The following ARID2 variants were observed in gnomAD, a reference collection of about 807,000 sequenced individuals.
The protein encoded by ARID2 is AT-rich interactive domain-containing protein 2.
Under a neutral mutation model 184.6 loss-of-function variants are expected in ARID2, and 32 were observed. That is an observed-to-expected ratio of 0.17 (90% CI 0.13 to 0.23). ARID2 has a LOEUF of 0.23. Ranked by LOEUF, ARID2 falls within the 10% of genes least tolerant of loss-of-function variation. The pLI, the probability that ARID2 is intolerant of heterozygous loss-of-function variation, is 1.00. For missense variants in ARID2, 1,696 were observed against 2,197.6 expected (o/e 0.77, Z 4.56); for synonymous variants, 836 against 772.6 (o/e 1.08, Z -1.36).
At chr12:45,746,690 A>G (rs1463143355) in intron 3 of ARID2, among the ~76,000 whole-genome samples, 1 of 152,144 alleles carries the variant, frequency 6.6e-6, no homozygotes, top group Non-Finnish European at 1.5e-5. Context: ...GATACTGTTA[A>G]TATCCTGGTA....
rs10880863 is a variant in ARID2, at chr12:45,863,847, T to G, written c.4922+2898T>G. On this transcript the variant is annotated intron_variant, in intron 16 of 20. Coordinates refer to ENST00000334344, the MANE Select transcript of ARID2 (RefSeq NM_152641.4). ...TTTTTTCTTTTTCTTTTTCTTTCCC[T>G]TTTTTTTTTGTTTTTTTTTTGAGAC... Among the ~76,000 whole-genome samples, 4 of 59,368 alleles carry G rather than the reference T, an allele frequency of 6.7e-5. No homozygotes were observed. In the Admixed American group the frequency reaches 1.2e-3, roughly 18 times the overall value. The allele number at this position is 59,368 out of a possible 152,430, so 38.9% of individuals were successfully genotyped here. A position where few individuals can be genotyped will look rare whatever the true frequency, so the allele number is the denominator to read the frequency against.
At chr12:45,876,517 C>T (rs1421366977) in intron 16 of ARID2, among the ~76,000 whole-genome samples, 1 of 150,158 alleles carries the variant, frequency 6.7e-6, no homozygotes, top group African/African-American at 2.5e-5. Flanking sequence ...TGCCGTTGCA[C>T]TCCAGCCTGG....
intron 16 of ARID2, among the ~76,000 whole-genome samples, chr12:45,875,191 A>G (rs963712397): frequency 3.9e-5 from 6 of 152,212 alleles, no homozygotes; most frequent in African/African-American, 1.4e-4. Context: ...TGTTAGCAGC[A>G]TGAAAACAAC....
intron 3 of ARID2, among the ~76,000 whole-genome samples, chr12:45,765,618 T>C (rs780188465): frequency 2.0e-5 from 3 of 152,116 alleles, no homozygotes; most frequent in Non-Finnish European, 2.9e-5. Flanking sequence ...TAAACTGTGA[T>C]TTGTCTTTTT....
rs199620718 is a variant in ARID2, at chr12:45,850,308, C to T, written c.2185C>T (p.Pro729Ser). ...IQNSIPQTGV[P>S]VSIAVGGGPP... ...GAATTCCATACCCCAGACAGGAGTT[C>T]CTGTTAGTATTGCTGTTGGAGGAGG... is the stretch of plus-strand genomic sequence containing the variant. The change falls in exon 15 of 21, where the codon CCT (proline) becomes TCT (serine). Residue 729 changes from proline to serine, a missense_variant. By Grantham distance (74) the Pro-to-Ser change is moderately conservative. Transcript: ENST00000334344. 1 of 1,614,070 alleles carries T rather than the reference C, an allele frequency of 6.2e-7. No individual in the cohort carries two copies. The highest frequency in any genetic ancestry group is 8.5e-7 in the Non-Finnish European group (1 of 1,179,984).
chr12:45,860,110 C>CT (rs1332570912), intron 15 of ARID2, among the ~76,000 whole-genome samples: 2 of 152,144 alleles, frequency 1.3e-5, no homozygotes, highest in African/African-American at 4.8e-5. Flanking sequence ...AATGCCAGCA[C>CT]TTTGGGAGGC....
chr12:45,878,720 G>A (rs1026039135), intron 16 of ARID2, among the ~76,000 whole-genome samples: 3 of 152,028 alleles, frequency 2.0e-5, no homozygotes, highest in African/African-American at 7.3e-5. Flanking sequence ...TGATATCTGA[G>A]TCTGGTTCTA....
At position 45,860,817 on chromosome 12, in the gene ARID2, C is replaced by G; in HGVS notation, c.4790C>G (p.Pro1597Arg). Residue 1597 changes from proline to arginine, a missense_variant, in exon 16 of 21, where the codon CCT (proline) becomes CGT (arginine). Transcript: ENST00000334344. ...NVVPQNTPMP[P>R]SPAVQVQGQP... The stretch of plus-strand genomic sequence containing the variant: ...TTTTCACAGAACACTCCTATGCCAC[C>G]TTCACCAGCTGTACAAGTGCAGGGC... 1 of 1,592,078 alleles carries G rather than the reference C, an allele frequency of 6.3e-7. No homozygotes were observed. Among genetic ancestry groups the G allele is most frequent in the Non-Finnish European group, 8.6e-7 (1 of 1,169,438 alleles).
intron 3 of ARID2, among the ~76,000 whole-genome samples, chr12:45,785,547 A>G (rs1018369995): frequency 3.3e-4 from 50 of 152,310 alleles, no homozygotes; most frequent in African/African-American, 1.1e-3. Flanking sequence ...GTTAGTGGAA[A>G]AAAAAACCTT....
chr12:45,857,756 C>CCT (rs150224221), intron 15 of ARID2, among the ~76,000 whole-genome samples: 1 of 150,276 alleles, frequency 6.7e-6, no homozygotes, highest in African/African-American at 2.4e-5. Flanking sequence ...TCTCTCTCTC[C>CCT]CTCTCTCTCT....
intron 3 of ARID2, among the ~76,000 whole-genome samples, chr12:45,748,055 C>T (rs910219544): frequency 2.0e-5 from 3 of 152,138 alleles, no homozygotes; most frequent in African/African-American, 7.2e-5. Flanking sequence ...TGTTCAGTAG[C>T]ATTATGTCTC....
At chr12:45,879,310 T>G (rs1325134041) in intron 16 of ARID2, among the ~76,000 whole-genome samples, 1 of 152,172 alleles carries the variant, frequency 6.6e-6, no homozygotes, top group African/African-American at 2.4e-5. Context: ...GAGACAGACC[T>G]TTGTAAGGTG....
intron 3 of ARID2, among the ~76,000 whole-genome samples, chr12:45,758,773 A>T (rs1045687450): frequency 6.6e-6 from 1 of 152,118 alleles, no homozygotes; most frequent in Non-Finnish European, 1.5e-5. Context: ...AGGGCAGAGT[A>T]AAAGAGAGAA....
At chr12:45,887,549 C>T (rs894078185) in intron 16 of ARID2, among the ~76,000 whole-genome samples, 15 of 152,058 alleles carry the variant, frequency 9.9e-5, no homozygotes, top group Admixed American at 9.2e-4. Flanking sequence ...AGGAAAAAAC[C>T]GGGTTCTTTT....
chr12:45,905,175 T>C lies in ARID2; in HGVS notation c.*97T>C. 7.2e-6 allele frequency: 9 copies of C among 1,247,654 alleles called. No individual in the cohort carries two copies. Among genetic ancestry groups the C allele is most frequent in the Non-Finnish European group, 9.7e-6 (9 of 924,652 alleles). The allele number at this position is 1,247,654 out of a possible 1,614,324, so 77.3% of individuals were successfully genotyped here. ...CCAAGTCTTAATGGAACAAAGACCA[T>C]AGAATGAATTATTTTATCTCCTCCC... On this transcript the variant is annotated 3_prime_UTR_variant, in exon 21 of 21. Transcript: ENST00000334344.
chr12:45,790,533 T>C (rs1197935711), intron 3 of ARID2, among the ~76,000 whole-genome samples: 1 of 152,208 alleles, frequency 6.6e-6, no homozygotes, highest in African/African-American at 2.4e-5. Flanking sequence ...TACATTGTTC[T>C]CTGATTTATT....
rs758388962 is a variant in ARID2, at chr12:45,849,700, T to C, written c.1836T>C (p.Tyr612=). The change falls in exon 14 of 21, where the codon TAT becomes TAC. Residue 612 remains tyrosine (Y), a synonymous_variant. Transcript: ENST00000334344. The stretch of plus-strand genomic sequence containing the variant: ...TACCACTTCCCATTCAGATGTACTA[T>C]CAGCAGCAACCAGTTTCTACTTCTG... ...RAIPLPIQMY[Y]QQQPVSTSVV... The C allele has an allele frequency of 3.0e-5, 49 of 1,613,838 alleles. No homozygotes were observed. The highest frequency in any genetic ancestry group is 3.8e-5 in the Non-Finnish European group (45 of 1,179,864).
chr12:45,813,300 T>G (rs1942744504), intron 4 of ARID2, among the ~76,000 whole-genome samples: 1 of 152,134 alleles, frequency 6.6e-6, no homozygotes, highest in South Asian at 2.1e-4. Context: ...GCATTTATAC[T>G]TTATGTTTTT....
chr12:45,854,785 A>T (rs1247033032), intron 15 of ARID2, among the ~76,000 whole-genome samples: 1 of 152,252 alleles, frequency 6.6e-6, no homozygotes, highest in Non-Finnish European at 1.5e-5. Flanking sequence ...ATTACAAAGA[A>T]TGAACAATAA....
Sources: allele counts gnomAD v4.1 joint callset (sites outside exome capture counted in the v4.1 genomes callset), GRCh38; gene constraint gnomAD v4.1.1; transcripts MANE v1.5; gene names NCBI Gene and HGNC (gene_info 2026-07-23, HGNC 2026-07-21).